Variants in SPAG9 observed in about 807,000 individuals in gnomAD.
SPAG9 encodes the protein C-Jun-amino-terminal kinase-interacting protein 4.
Under a neutral mutation model 166.5 loss-of-function variants are expected in SPAG9, and 35 were observed. The observed-to-expected ratio is 0.21, with a 90% CI of 0.16 to 0.28. The LOEUF (loss-of-function observed/expected upper bound fraction) is 0.28. SPAG9 is among the 10% of genes least tolerant of loss of function. The probability of loss-of-function intolerance (pLI) is 1.00; values close to 1 mark genes in which losing one functional copy is unlikely to be tolerated. For synonymous variants in SPAG9, 534 were observed against 565.5 expected (o/e 0.94, Z 0.79); for missense variants, 1,235 against 1,603.3 (o/e 0.77, Z 3.92).
chr17:51,096,689 G>A (rs928965813), intron 1 of SPAG9, among the ~76,000 whole-genome samples: 1 of 152,006 alleles, frequency 6.6e-6, no homozygotes, highest in Non-Finnish European at 1.5e-5. Flanking sequence ...TCATGTCATC[G>A]ATGGAATACA....
chr17:50,977,113 G>A lies in SPAG9; in HGVS notation c.3518C>T (p.Thr1173Ile). Residue 1173 changes from threonine (T) to isoleucine (I), a missense_variant, in exon 27 of 30, where the codon ACA becomes ATA. Physicochemically the swap from Thr to Ile is moderately conservative, Grantham distance 89. Transcript: ENST00000262013. ...TTATCTAAAAATATACTTACTTTCT[G>A]TCAATGGGATGGAGATAATGACACC... ...GNGVIISIPLTETNKTSGVPG... is the reference protein window; with the variant it reads ...GNGVIISIPLIETNKTSGVPG... 6.3e-7 allele frequency: 1 copy of A among 1,581,724 alleles called. No homozygotes were observed. Among genetic ancestry groups the A allele is most frequent in the Non-Finnish European group, 8.7e-7 (1 of 1,151,130 alleles).
chr17:51,112,667 T>A (rs2049147753), intron 1 of SPAG9, among the ~76,000 whole-genome samples: 1 of 49,044 alleles, frequency 2.0e-5, no homozygotes, highest in Non-Finnish European at 3.3e-5. Context: ...AGACTCTGTC[T>A]CAACAAAAAA....
At chr17:51,019,759 G>A (rs2045863258) in intron 8 of SPAG9, among the ~76,000 whole-genome samples, 1 of 152,012 alleles carries the variant, frequency 6.6e-6, no homozygotes. Context: ...GGCTGAGGGA[G>A]GAGAATTGCT....
intron 29 of SPAG9, among the ~76,000 whole-genome samples, chr17:50,967,916 G>T (rs918761722): frequency 6.6e-6 from 1 of 152,180 alleles, no homozygotes; most frequent in Admixed American, 6.5e-5. Context: ...GCCAAACCTG[G>T]TTAAGCAATT....
rs761322411 is a variant in SPAG9 at position 50,970,668 on chromosome 17, C to T, written c.3850+39G>A. On this transcript the variant is annotated intron_variant, in intron 29 of 29. Coordinates refer to ENST00000262013, the MANE Select transcript of SPAG9 (RefSeq NM_001130528.3). ...CTTTGGGACAAAACCCAAGTCATAG[C>T]ACACAGTGCAAACTGAGCACCCAGA... 7 of 1,583,338 alleles carry T rather than the reference C, an allele frequency of 4.4e-6. No homozygotes were observed. The South Asian group carries it at 6.8e-5, about 15-fold the overall frequency.
chr17:51,032,692 T>C (rs1293551432), intron 5 of SPAG9, among the ~76,000 whole-genome samples: 2 of 152,022 alleles, frequency 1.3e-5, no homozygotes, highest in Non-Finnish European at 2.9e-5. Context: ...TCCCAGCACT[T>C]TGGGAGGCTA....
chr17:51,089,557 T>C (rs1568076950), intron 1 of SPAG9, among the ~76,000 whole-genome samples: 1 of 145,060 alleles, frequency 6.9e-6, no homozygotes, highest in Non-Finnish European at 1.5e-5. Flanking sequence ...TAAAATTATA[T>C]ATATATAATT....
intron 5 of SPAG9, among the ~76,000 whole-genome samples, chr17:51,037,865 T>A (rs961939285): frequency 1.3e-5 from 2 of 151,602 alleles, no homozygotes; most frequent in Admixed American, 1.3e-4. Context: ...CTGTCCAGCC[T>A]ATAGCACTTT....
chr17:51,046,988 C>A, intron 4 of SPAG9: 1 of 1,315,912 alleles, frequency 7.6e-7, no homozygotes, highest in Non-Finnish European at 9.8e-7. Context: ...ATTCACACTC[C>A]TACACCAAAC....
intron 9 of SPAG9, chr17:51,009,076 C>A: frequency 2.3e-6 from 1 of 434,760 alleles, no homozygotes; most frequent in Non-Finnish European, 4.6e-6. Flanking sequence ...GAACAGCAGC[C>A]AAGAACACCT....
At chr17:51,093,737 C>T (rs2048536479) in intron 1 of SPAG9, among the ~76,000 whole-genome samples, 1 of 144,462 alleles carries the variant, frequency 6.9e-6, no homozygotes, top group Non-Finnish European at 1.5e-5. Context: ...CAGATCCATA[C>T]TATGGAAAGT....
chr17:51,052,537 G>A (rs2047209521), intron 3 of SPAG9, among the ~76,000 whole-genome samples: 1 of 151,764 alleles, frequency 6.6e-6, no homozygotes, highest in African/African-American at 2.4e-5. Context: ...ATCTGCCTTG[G>A]TTACTGGACA....
rs59365716 is a variant in SPAG9, at chr17:51,037,665, TTATATATA to T, written c.741+3828_741+3835del. Among the ~76,000 whole-genome samples the T allele has an allele frequency of 3.2e-5, 3 of 92,930 alleles. No individual in the cohort carries two copies. The South Asian group carries it at 1.1e-3, about 33-fold the overall frequency. The allele number at this position is 92,930 out of a possible 152,430, so 61.0% of individuals were successfully genotyped here. On this transcript the variant is annotated intron_variant, in intron 5 of 29. Transcript: ENST00000262013. ...AATAAAATAAGTAAATATATGTGTT[TTATATATA>T]TATATATATATAGTGTGTGTGTGTG...
rs1333499675 is a variant in SPAG9, at chr17:50,993,795, G to C, written c.2367C>G (p.Asn789Lys). The part of the protein sequence containing the change: ...GNILDSFTVC[N>K]SHVLCIASVP... ...CACTTGCAATGCACAGAACATGAGA[G>C]TTGCAAACAGTGAAACTGTCTAGGA... The change falls in exon 19 of 30, where the codon AAC (asparagine) becomes AAG (lysine). Residue 789 changes from asparagine to lysine, a missense_variant. Coordinates refer to ENST00000262013, the MANE Select transcript of SPAG9 (RefSeq NM_001130528.3). 5.0e-6 allele frequency: 8 copies of C among 1,614,022 alleles called. No homozygotes were observed. The highest frequency in any genetic ancestry group is 6.8e-6 in the Non-Finnish European group (8 of 1,180,026).
intron 2 of SPAG9, among the ~76,000 whole-genome samples, chr17:51,074,649 TTGA>T (rs2047916504): frequency 6.6e-6 from 1 of 152,220 alleles, no homozygotes; most frequent in Non-Finnish European, 1.5e-5. Flanking sequence ...TATCTAATAC[TTGA>T]TGAAGAATTT....
intron 26 of SPAG9, among the ~76,000 whole-genome samples, chr17:50,978,225 C>T (rs562878137): frequency 1.3e-5 from 2 of 152,284 alleles, no homozygotes; most frequent in East Asian, 1.9e-4. Flanking sequence ...AGGGCATGAT[C>T]GCTGAATCAC....
At chr17:51,091,453 G>A (rs1301964993) in intron 1 of SPAG9, among the ~76,000 whole-genome samples, 2 of 152,046 alleles carry the variant, frequency 1.3e-5, no homozygotes, top group East Asian at 1.9e-4. Flanking sequence ...ATCGTGGCAG[G>A]AGAAGCGCAG....
chr17:51,117,308 ATTTAC>A (rs557974687), intron 1 of SPAG9, among the ~76,000 whole-genome samples: 3 of 152,152 alleles, frequency 2.0e-5, no homozygotes, highest in Non-Finnish European at 2.9e-5. Flanking sequence ...GGTGCTCAGA[ATTTAC>A]TTTACTCTCT....
At chr17:50,980,494 C>T (rs201565699) in intron 25 of SPAG9, among the ~76,000 whole-genome samples, 8 of 151,732 alleles carry the variant, frequency 5.3e-5, no homozygotes, top group East Asian at 2.0e-4. Flanking sequence ...CATGAGCCAC[C>T]GCACCTGGCC....
Sources: allele counts gnomAD v4.1 joint callset (sites outside exome capture counted in the v4.1 genomes callset), GRCh38; gene constraint gnomAD v4.1.1; transcripts MANE v1.5; gene names NCBI Gene and HGNC (gene_info 2026-07-23, HGNC 2026-07-21).